RANBP17: variants seen among roughly 807,000 people sequenced by gnomAD.
The protein encoded by RANBP17 is RAN binding protein 17, also known as ran-binding protein 17.
RANBP17 carries 158 observed loss-of-function variants against 141.2 expected under a neutral mutation model. The ratio of observed to expected loss-of-function variants is 1.12; its 90% CI spans 0.98 to 1.28. The LOEUF is 1.28. Ranked by LOEUF, RANBP17 falls within the 50% of genes most tolerant of loss-of-function variation. The probability of loss-of-function intolerance (pLI) is 0.00; values close to 1 mark genes in which losing one functional copy is unlikely to be tolerated. For missense variants in RANBP17, 1,438 were observed against 1,290.7 expected (o/e 1.11, Z -1.75); for synonymous variants, 430 against 450.0 (o/e 0.96, Z 0.56).
chr5:171,063,218 TGGA>T lies in RANBP17; in HGVS notation c.1710+94849_1710+94851del, dbSNP rs571954684. Among the ~76,000 whole-genome samples, 717 of 152,342 alleles carry T rather than the reference TGGA, an allele frequency of 4.7e-3. 5 individuals are homozygous for T. Among genetic ancestry groups the T allele is most frequent in the African/African-American group, 0.017 (696 of 41,578 alleles). Reference sequence around the variant, plus strand: ...TTGCTGGTGAGGAACTGCTTTCCTTTGGAGGAGGAGAGGCGCTCTGCTTTTTAG... The same window carrying T: ...TTGCTGGTGAGGAACTGCTTTCCTTTGGAGGAGAGGCGCTCTGCTTTTTAG... On this transcript the variant is annotated intron_variant, in intron 14 of 27. Coordinates refer to ENST00000523189, the MANE Select transcript of RANBP17 (RefSeq NM_022897.5).
At chr5:171,044,995 A>G (rs1175521972) in intron 14 of RANBP17, among the ~76,000 whole-genome samples, 1 of 152,048 alleles carries the variant, frequency 6.6e-6, no homozygotes, top group East Asian at 1.9e-4. Context: ...AAATGCTTGT[A>G]AAGTGAATTA....
intron 5 of RANBP17, among the ~76,000 whole-genome samples, chr5:170,901,519 C>T (rs1026760169): frequency 1.6e-4 from 24 of 152,182 alleles, no homozygotes; most frequent in Non-Finnish European, 2.6e-4. Context: ...AGCCCATTTA[C>T]ATTTAAGGTT....
chr5:171,216,178 T>C (rs1763207096), intron 21 of RANBP17, among the ~76,000 whole-genome samples: 1 of 152,210 alleles, frequency 6.6e-6, no homozygotes, highest in South Asian at 2.1e-4. Flanking sequence ...CCATTGGTTG[T>C]TATTGTCAGG....
chr5:171,066,851 CA>C (rs1784342357), intron 14 of RANBP17, among the ~76,000 whole-genome samples: 2 of 152,122 alleles, frequency 1.3e-5, no homozygotes, highest in Admixed American at 1.3e-4. Flanking sequence ...TAAGGGTGTC[CA>C]TCACTAGTAG....
chr5:170,968,867 A>C (rs1005337477), intron 14 of RANBP17: 2 of 322,090 alleles, frequency 6.2e-6, no homozygotes, highest in African/African-American at 4.4e-5. Flanking sequence ...TGATAATTGA[A>C]TGTTTAGCAT....
chr5:171,085,220 A>G (rs879332564), intron 14 of RANBP17, among the ~76,000 whole-genome samples: 2,803 of 141,202 alleles, frequency 0.02, 114 homozygotes, highest in African/African-American at 0.072. Context: ...TAAATAGGGA[A>G]TCCTTTCCCC....
At chr5:171,244,892 G>A (rs1019370861) in intron 24 of RANBP17, among the ~76,000 whole-genome samples, 12 of 152,060 alleles carry the variant, frequency 7.9e-5, no homozygotes, top group South Asian at 2.1e-4. Flanking sequence ...TTGGGAGGCC[G>A]AGCTGGGCGG....
At chr5:171,220,712 T>C (rs745390101) in intron 21 of RANBP17, among the ~76,000 whole-genome samples, 17 of 152,144 alleles carry the variant, frequency 1.1e-4, no homozygotes, top group Non-Finnish European at 2.2e-4. Context: ...CTTCCCAAAG[T>C]GCTGGGATTA....
intron 14 of RANBP17, among the ~76,000 whole-genome samples, chr5:171,132,592 C>T (rs1265478987): frequency 6.6e-6 from 1 of 151,912 alleles, no homozygotes; most frequent in African/African-American, 2.4e-5. Context: ...TATGGTGGTG[C>T]ATGCCTGTCG....
intron 14 of RANBP17, among the ~76,000 whole-genome samples, chr5:171,154,340 G>A (rs978567112): frequency 6.6e-6 from 1 of 151,988 alleles, no homozygotes; most frequent in Admixed American, 6.5e-5. Context: ...GCGGTGGCAC[G>A]ATCTCGGCTC....
rs377061095 is a variant in RANBP17, at chr5:171,112,912, T to A, written c.1711-57218T>A. On this transcript the variant is annotated intron_variant, in intron 14 of 27. Transcript: ENST00000523189. ...GGAAAAATCCAGGGCCTTCTTGGCTTTGTCAAGTATTAGCTCTATGCCCAC... is the reference window on the plus strand; with the variant it reads ...GGAAAAATCCAGGGCCTTCTTGGCTATGTCAAGTATTAGCTCTATGCCCAC... Among the ~76,000 whole-genome samples the A allele has an allele frequency of 5.4e-4, 82 of 152,242 alleles. 2 individuals carry two copies. The South Asian group carries it at 0.013, about 25-fold the overall frequency.
At chr5:171,286,321 T>C (rs775282357) in intron 25 of RANBP17, among the ~76,000 whole-genome samples, 8 of 152,240 alleles carry the variant, frequency 5.3e-5, no homozygotes, top group Non-Finnish European at 1.0e-4. Context: ...TTGGCAGGGA[T>C]CCCCAGTGAT....
intron 14 of RANBP17, among the ~76,000 whole-genome samples, chr5:171,099,792 A>T (rs1312203101): frequency 6.6e-6 from 1 of 152,100 alleles, no homozygotes; most frequent in Non-Finnish European, 1.5e-5. Flanking sequence ...TTCCTAATTT[A>T]TTGAGTGTTT....
intron 14 of RANBP17, among the ~76,000 whole-genome samples, chr5:171,035,560 GTT>G (rs534241384): frequency 7.2e-6 from 1 of 138,736 alleles, no homozygotes; most frequent in Admixed American, 7.2e-5. Flanking sequence ...GTTTTTTAGG[GTT>G]TTTTTTTTTA....
intron 25 of RANBP17, among the ~76,000 whole-genome samples, chr5:171,277,637 G>GTGTATGTATATATATATATA (rs1437482589): frequency 5.3e-5 from 3 of 56,904 alleles, no homozygotes; most frequent in Admixed American, 2.7e-4. Context: ...ATATATGTAT[G>GTGTATGTATATATATATATA]TATATATATA....
chr5:171,252,988 G>A, intron 24 of RANBP17: 1 of 1,321,436 alleles, frequency 7.6e-7, no homozygotes, highest in Non-Finnish European at 1.1e-6. Flanking sequence ...TCGGGATTGA[G>A]GGGGAACCGT....
intron 14 of RANBP17, among the ~76,000 whole-genome samples, chr5:170,986,419 T>C (rs1261897194): frequency 6.6e-6 from 1 of 151,970 alleles, no homozygotes; most frequent in Non-Finnish European, 1.5e-5. Context: ...TAATTTATTG[T>C]ATATTTTAAA....
chr5:171,241,122 G>C lies in RANBP17; in HGVS notation c.2617G>C (p.Val873Leu). The C allele has an allele frequency of 6.2e-7, 1 of 1,612,510 alleles. No homozygotes were observed. The part of the protein sequence containing the change: ...LQAFVKMLLS[V>L]SHSDLLQYRK... The stretch of plus-strand genomic sequence containing the variant: ...GGCTTTTGTCAAAATGCTGCTGTCA[G>C]TGTCCCACAGTGACTTGCTAGTAAG... The change falls in exon 23 of 28, where the codon GTG (valine) becomes CTG (leucine). Residue 873 changes from valine (V) to leucine (L), a missense_variant. Val to Leu is a conservative substitution (Grantham distance 32). Transcript: ENST00000523189.
In RANBP17 at chr5:170,911,131, A is replaced by G; in HGVS notation, c.757A>G (p.Thr253Ala). 1 of 1,610,816 alleles carries G rather than the reference A, an allele frequency of 6.2e-7. No homozygotes were observed. Among genetic ancestry groups the G allele is most frequent in the East Asian group, 2.2e-5 (1 of 44,714 alleles). ...GGTGCAGATTCCAACAACTTGGAGA[A>G]CAAGTAAGAAAAAACTTTGGTATGA... ...CTVQIPTTWR[T>A]IFLEPETLDL... is the part of the protein sequence containing the mutation. The change falls in exon 7 of 28, where the codon ACA becomes GCA. Residue 253 changes from threonine to alanine, a missense_variant. Coordinates refer to ENST00000523189, the MANE Select transcript of RANBP17 (RefSeq NM_022897.5).
Sources: allele counts gnomAD v4.1 joint callset (sites outside exome capture counted in the v4.1 genomes callset), GRCh38; gene constraint gnomAD v4.1.1; transcripts MANE v1.5; gene names NCBI Gene and HGNC (gene_info 2026-07-23, HGNC 2026-07-21).